The following ZNF75A variants were observed in gnomAD, a reference collection of about 807,000 sequenced individuals.
The protein encoded by ZNF75A is zinc finger protein 75A.
Under a neutral mutation model 46.3 loss-of-function variants are expected in ZNF75A, and 36 were observed. The ratio of observed to expected loss-of-function variants is 0.78; its 90% CI spans 0.60 to 1.03. ZNF75A has a LOEUF of 1.03. Among genes scored for constraint, ZNF75A ranks in the 50% least tolerant of loss-of-function variants. The pLI is 0.00. For missense variants in ZNF75A, 595 were observed against 551.3 expected (o/e 1.08, Z -0.79); for synonymous variants, 234 against 189.9 (o/e 1.23, Z -1.91).
Position 3,316,916 on chromosome 16 carries a change from G to T in ZNF75A, c.828G>T (p.Leu276Phe). The change falls in exon 6 of 7, where the codon TTG (leucine) becomes TTT (phenylalanine). Residue 276 changes from leucine (L) to phenylalanine (F), a missense_variant. Leu to Phe is a conservative substitution (Grantham distance 22). Transcript: ENST00000669516. ...ENYETVISLA[L>F]FVLPKPKVIS... Reference sequence around the variant, plus strand: ...CTCATTTTGTCCATTTGACAGCATTGTTTGTGCTCCCCAAACCTAAAGTGA... The same window carrying T: ...CTCATTTTGTCCATTTGACAGCATTTTTTGTGCTCCCCAAACCTAAAGTGA... The T allele has an allele frequency of 1.9e-6, 3 of 1,611,020 alleles. No individual in the cohort carries two copies. Among genetic ancestry groups the T allele is most frequent in the Non-Finnish European group, 2.5e-6 (3 of 1,178,680 alleles).
Position 3,308,592 on chromosome 16 carries a change from C to G in ZNF75A, c.164C>G (p.Thr55Ser), listed in dbSNP as rs2150798050. Reference sequence around the variant, plus strand: ...TCTTGCTGGCACTTCCGGAATTTCACCTATGATGAAGCAGGTGGACCCCGT... The same window carrying G: ...TCTTGCTGGCACTTCCGGAATTTCAGCTATGATGAAGCAGGTGGACCCCGT... ...KSSCWHFRNFTYDEAGGPREA... is the reference protein window; with the variant it reads ...KSSCWHFRNFSYDEAGGPREA... The change falls in exon 2 of 7, where the codon ACC becomes AGC. Residue 55 changes from threonine to serine, a missense_variant. Thr to Ser is a moderately conservative substitution (Grantham distance 58). Coordinates refer to ENST00000669516, the MANE Select transcript of ZNF75A (RefSeq NM_001302109.2). 1.0e-6 allele frequency: 1 copy of G among 986,032 alleles called. No individual in the cohort carries two copies. The highest frequency in any genetic ancestry group is 1.1e-4 in the East Asian group (1 of 8,814). The allele number at this position is 986,032 out of a possible 1,614,324, so 61.1% of individuals were successfully genotyped here.
At chr16:3,307,181 C>G (rs1390822987) in intron 1 of ZNF75A, 1 of 152,198 alleles carries the variant, frequency 6.6e-6, no homozygotes, top group African/African-American at 2.4e-5. Context: ...AAGTCCTGGT[C>G]TCAGGTGATC....
chr16:3,315,456 A>G (rs1961140880), intron 5 of ZNF75A, among the ~76,000 whole-genome samples: 2 of 151,998 alleles, frequency 1.3e-5, no homozygotes, highest in Non-Finnish European at 2.9e-5. Context: ...TGGCCTCCCA[A>G]AGTGCTGGGA....
chr16:3,323,256 A>G (rs999058644), downstream of ZNF75A: 1 of 794,628 alleles, frequency 1.3e-6, no homozygotes, highest in African/African-American at 1.7e-5. Flanking sequence ...CTCCTTGAGG[A>G]AGCCCACTGT....
At chr16:3,316,802 TGG>T (rs1961241463) in intron 5 of ZNF75A, 108 bp from the exon 6 acceptor site, 1 of 700,456 alleles carries the variant, frequency 1.4e-6, no homozygotes, top group South Asian at 1.8e-5. Flanking sequence ...TTTAACCATT[TGG>T]AGTAACAAAT....
intron 1 of ZNF75A, chr16:3,306,896 C>G (rs531471206): frequency 8.6e-5 from 13 of 151,972 alleles, no homozygotes; most frequent in African/African-American, 3.1e-4. Context: ...CAACTGCCAT[C>G]CAAAAAATAT....
At chr16:3,312,636 A>G (rs1960897129) in intron 3 of ZNF75A, 41 bp from the exon 4 acceptor site, 1 of 902,950 alleles carries the variant, frequency 1.1e-6, no homozygotes, top group Non-Finnish European at 1.3e-6. Flanking sequence ...CAGGATGTTT[A>G]TAGATAAAAG....
At chr16:3,311,419 CAA>C (rs1170204976) in intron 2 of ZNF75A, among the ~76,000 whole-genome samples, 5 of 142,946 alleles carry the variant, frequency 3.5e-5, no homozygotes, top group South Asian at 4.4e-4. Flanking sequence ...GCCTGGGCAA[CAA>C]GAGCAAAACT....
chr16:3,311,871 T>A lies in ZNF75A; in HGVS notation c.527T>A (p.Phe176Tyr). 9.8e-7 allele frequency: 1 copy of A among 1,022,690 alleles called. No individual in the cohort carries two copies. The highest frequency in any genetic ancestry group is 1.2e-6 in the Non-Finnish European group (1 of 848,950). 63.4% of individuals were successfully genotyped at this position (1,022,690 alleles called of 1,614,324 possible). A position where few individuals can be genotyped will look rare whatever the true frequency, so the allele number is the denominator to read the frequency against. The change falls in exon 3 of 7, where the codon TTT becomes TAT. Residue 176 changes from phenylalanine (F) to tyrosine (Y), a missense_variant. Transcript: ENST00000669516. ...QPVGVSQDEE[F>Y]WNTYEGLQEQ... The stretch of plus-strand genomic sequence containing the variant: ...GTGGGCGTATCCCAAGATGAAGAAT[T>A]TTGGAATACATACGAGGGTCTGCAA...
chr16:3,314,773 A>G (rs964046010), intron 5 of ZNF75A: 48 of 985,320 alleles, frequency 4.9e-5, no homozygotes, highest in Non-Finnish European at 5.4e-5. Context: ...AGAAGTGGCC[A>G]TATATTTTTC....
intron 1 of ZNF75A, chr16:3,306,266 C>T (rs1227000457): frequency 1.3e-5 from 2 of 152,094 alleles, no homozygotes; most frequent in East Asian, 3.9e-4. Context: ...CTTTCATCGT[C>T]ACCAACTCCT....
At chr16:3,322,182 A>G (rs2029969555), downstream of ZNF75A, among the ~76,000 whole-genome samples, 1 of 152,168 alleles carries the variant, frequency 6.6e-6, no homozygotes, top group Non-Finnish European at 1.5e-5. Context: ...CAAGTGGGAA[A>G]CAAAGTTTTG....
chr16:3,319,462 C>T (rs1411578563), downstream of ZNF75A, among the ~76,000 whole-genome samples: 3 of 152,190 alleles, frequency 2.0e-5, no homozygotes, highest in African/African-American at 4.8e-5. Context: ...CTCTGGTCTA[C>T]ATAGCTCTTA....
In ZNF75A at chr16:3,311,904, T is replaced by C. The variant is rs1960832173; in HGVS notation, c.560T>C (p.Leu187Pro). 1.0e-6 allele frequency: 1 copy of C among 991,228 alleles called. No individual in the cohort carries two copies. The highest frequency in any genetic ancestry group is 1.2e-6 in the Non-Finnish European group (1 of 832,388). The allele number at this position is 991,228 out of a possible 1,614,324, so 61.4% of individuals were successfully genotyped here. ...WNTYEGLQEQ[L>P]SRNTHKETEP... Reference sequence around the variant, plus strand: ...ACATACGAGGGTCTGCAAGAACAGCTCAGCAGGAATACTCATAAAGAGACT... The same window carrying C: ...ACATACGAGGGTCTGCAAGAACAGCCCAGCAGGAATACTCATAAAGAGACT... Residue 187 changes from leucine (L) to proline (P), a missense_variant, in exon 3 of 7, where the codon CTC becomes CCC. Transcript: ENST00000669516.
downstream of ZNF75A, chr16:3,323,041 C>CTT: frequency 1.9e-6 from 1 of 528,684 alleles, no homozygotes; most frequent in Non-Finnish European, 2.4e-6. Context: ...AAGCTACTGT[C>CTT]TTTTTTTTTA....
downstream of ZNF75A, among the ~76,000 whole-genome samples, chr16:3,319,416 A>C (rs1477216644): frequency 6.6e-6 from 1 of 152,100 alleles, no homozygotes; most frequent in South Asian, 2.1e-4. Context: ...TGCCCAGCCT[A>C]TACTAATTGT....
At chr16:3,310,016 C>T (rs901275727) in intron 2 of ZNF75A, among the ~76,000 whole-genome samples, 1 of 151,782 alleles carries the variant, frequency 6.6e-6, no homozygotes, top group Non-Finnish European at 1.5e-5. Flanking sequence ...AATTGCTTGA[C>T]CCAGAAGTTT....
At chr16:3,323,186 C>T (rs530032022), downstream of ZNF75A, 2 of 677,668 alleles carry the variant, frequency 3.0e-6, no homozygotes, top group African/African-American at 3.6e-5. Flanking sequence ...GCACCTGGGT[C>T]TAGTTCAGCT....
chr16:3,323,401 C>T, downstream of ZNF75A: 1 of 808,344 alleles, frequency 1.2e-6, no homozygotes. Flanking sequence ...TCCCCAGGTG[C>T]TCCTCAATCA....
Sources: gnomAD v4.1 joint callset for allele counts (sites outside exome capture counted in the v4.1 genomes callset) on GRCh38, gnomAD v4.1.1 for gene constraint, MANE v1.5 for transcripts, NCBI Gene and HGNC (gene_info 2026-07-23, HGNC 2026-07-21) for gene names.